Variants in EVC2 observed in about 807,000 individuals in gnomAD.
The protein encoded by EVC2 is limbin.
EVC2 carries 148 observed loss-of-function variants against 149.3 expected under a neutral mutation model. The observed-to-expected ratio is 0.99, with a 90% CI of 0.87 to 1.14. The LOEUF (loss-of-function observed/expected upper bound fraction) is 1.14, where lower values mean the gene tolerates loss of function less well. Ranked by LOEUF, EVC2 falls within the 50% of genes most tolerant of loss-of-function variation. The pLI is 0.00. For synonymous variants in EVC2, 776 were observed against 649.9 expected (o/e 1.19, Z -2.95); for missense variants, 1,854 against 1,627.3 (o/e 1.14, Z -2.40).
chr4:5,640,589 C>T lies in EVC2; in HGVS notation c.1395G>A (p.Lys465=), dbSNP rs1717252865. The change falls in exon 10 of 22, where the codon AAG becomes AAA. Residue 465 remains lysine (K), a synonymous_variant. Transcript: ENST00000344408. The surrounding 1 kb of genome is among the most constrained non-coding windows in gnomAD (Gnocchi z 4.6). ...TAECDLETRK[K]MENQYQREMM... ...TCTCTCTCTGGTACTGGTTTTCCAT[C>T]TTCTTTCTTGTTTCCAGGTCACATT... The T allele has an allele frequency of 1.2e-6, 2 of 1,614,020 alleles. No individual in the cohort carries two copies. Among genetic ancestry groups the T allele is most frequent in the Admixed American group, 1.7e-5 (1 of 59,994 alleles).
intron 16 of EVC2, among the ~76,000 whole-genome samples, chr4:5,596,964 G>C (rs1002422671): frequency 6.6e-6 from 1 of 152,160 alleles, no homozygotes; most frequent in African/African-American, 2.4e-5. Flanking sequence ...AGAAAATCTA[G>C]AAGAAATGGA....
In EVC2 at chr4:5,637,923, TG is replaced by T. The variant is rs1413671478; in HGVS notation, c.1470+2590del. On this transcript the variant is annotated intron_variant, in intron 10 of 21. Coordinates refer to ENST00000344408, the MANE Select transcript of EVC2 (RefSeq NM_147127.5). This position sits in a 1 kb window ranked among gnomAD's most constrained non-coding sequence, Gnocchi z 4.4. ...ACCTGAGGTCTCTGTTATGTATTCT[TG>T]TTTGTGTATTTGATTTTTAAAACTC... Among the ~76,000 whole-genome samples, 1 of 152,122 alleles carries T rather than the reference TG, an allele frequency of 6.6e-6. No homozygotes were observed. Among genetic ancestry groups the T allele is most frequent in the Non-Finnish European group, 1.5e-5 (1 of 68,020 alleles).
intron 6 of EVC2, among the ~76,000 whole-genome samples, chr4:5,681,896 C>T (rs1174044150): frequency 1.3e-5 from 2 of 152,146 alleles, no homozygotes; most frequent in African/African-American, 4.8e-5. Flanking sequence ...GGGGTAAAGG[C>T]AGAATAGCTT....
In EVC2 at chr4:5,696,248, C is replaced by T. The variant is rs904726174; in HGVS notation, c.283+1345G>A. ...ACCCTTAAGCGCTCCATCTCTGGTC[C>T]ACCCGTTTATGCCTCTCTGGCTCTC... On this transcript the variant is annotated intron_variant, in intron 2 of 21. Coordinates refer to ENST00000344408, the MANE Select transcript of EVC2 (RefSeq NM_147127.5). The surrounding 1 kb of genome is among the most constrained non-coding windows in gnomAD (Gnocchi z 4.1). Among the ~76,000 whole-genome samples, 1 of 152,200 alleles carries T rather than the reference C, an allele frequency of 6.6e-6. No homozygotes were observed. The highest frequency in any genetic ancestry group is 2.4e-5 in the African/African-American group (1 of 41,458).
intron 7 of EVC2, among the ~76,000 whole-genome samples, chr4:5,674,764 G>A (rs1421463086): frequency 6.6e-6 from 1 of 152,150 alleles, no homozygotes; most frequent in East Asian, 1.9e-4. Flanking sequence ...CTGAATGGAG[G>A]CCCCTCAAGA....
intron 1 of EVC2, among the ~76,000 whole-genome samples, chr4:5,701,130 T>C (rs1296385452): frequency 2.6e-5 from 4 of 152,152 alleles, no homozygotes; most frequent in Non-Finnish European, 4.4e-5. Flanking sequence ...CATGGCCCCT[T>C]CCTCCATTGT....
chr4:5,551,821 T>C (rs574449532), intron 21 of EVC2, among the ~76,000 whole-genome samples: 2 of 152,302 alleles, frequency 1.3e-5, no homozygotes, highest in Non-Finnish European at 1.5e-5. Flanking sequence ...CTTGTGATAG[T>C]GAATAAGTCT....
chr4:5,663,375 G>C, intron 8 of EVC2, 129 bp from the exon 9 acceptor site: 1 of 1,265,642 alleles, frequency 7.9e-7, no homozygotes, highest in South Asian at 1.2e-5. Flanking sequence ...TGTGACCACA[G>C]TAAACCCAGA....
At chr4:5,698,308 C>T (rs999698075) in intron 1 of EVC2, among the ~76,000 whole-genome samples, 3 of 152,080 alleles carry the variant, frequency 2.0e-5, no homozygotes, top group Non-Finnish European at 4.4e-5. Flanking sequence ...CTGCGAATTC[C>T]CAAGATCCTG....
At chr4:5,575,495 T>TCAC (rs1722871576) in intron 18 of EVC2, among the ~76,000 whole-genome samples, 1 of 152,188 alleles carries the variant, frequency 6.6e-6, no homozygotes, top group Non-Finnish European at 1.5e-5. Flanking sequence ...CAGAAGAGCG[T>TCAC]GATAGGATGA....
At position 5,679,772 on chromosome 4, in the gene EVC2, C is replaced by A. The variant is rs369103587; in HGVS notation, c.870+1488G>T. 3.9e-5 allele frequency among the ~76,000 whole-genome samples: 6 copies of A among 152,068 alleles called. No individual in the cohort carries two copies. The highest frequency in any genetic ancestry group is 3.2e-3 in the Middle Eastern group (1 of 316). On this transcript the variant is annotated intron_variant, in intron 7 of 21. Transcript: ENST00000344408. The surrounding 1 kb of genome is among the most constrained non-coding windows in gnomAD (Gnocchi z 5.1). ...CATGTAATTGCCCTTGCCCCCCATCCCCCGACAGGTCCCAGTGTGTGATGT... is the reference window on the plus strand; with the variant it reads ...CATGTAATTGCCCTTGCCCCCCATCACCCGACAGGTCCCAGTGTGTGATGT...
chr4:5,576,482 C>A lies in EVC2; in HGVS notation c.3058-28G>T. ...ACACAAGGAAGGGGCAGAGGGTAAG[C>A]ACCACTGCACAAGGCGGGTGGGGTG... is the stretch of plus-strand genomic sequence containing the variant. On this transcript the variant is annotated intron_variant, in intron 17 of 21. Coordinates refer to ENST00000344408, the MANE Select transcript of EVC2 (RefSeq NM_147127.5). The surrounding 1 kb of genome is among the most constrained non-coding windows in gnomAD (Gnocchi z 4.5). 6.4e-7 allele frequency: 1 copy of A among 1,558,922 alleles called. No homozygotes were observed. Among genetic ancestry groups the A allele is most frequent in the Non-Finnish European group, 8.7e-7 (1 of 1,155,018 alleles).
chr4:5,708,570 C>T, upstream of EVC2: 1 of 1,281,328 alleles, frequency 7.8e-7, no homozygotes, highest in Non-Finnish European at 1.0e-6. Context: ...GCTGGAGCTT[C>T]CGGACCCCAG....
intron 20 of EVC2, 52 bp from the exon 21 acceptor site, chr4:5,565,411 C>T (rs1722216164): frequency 1.9e-6 from 3 of 1,558,450 alleles, no homozygotes; most frequent in Non-Finnish European, 8.8e-7. Context: ...TGTAATCCCA[C>T]TGTAATCCCA....
chr4:5,634,006 G>A (rs1481817760), intron 10 of EVC2, among the ~76,000 whole-genome samples: 2 of 152,182 alleles, frequency 1.3e-5, no homozygotes, highest in South Asian at 2.1e-4. Context: ...CTTCTAAAGA[G>A]GTCCAAGGGC....
At chr4:5,584,426 C>T (rs1712082869) in intron 17 of EVC2, among the ~76,000 whole-genome samples, 197 bp downstream of exon 17, 1 of 152,166 alleles carries the variant, frequency 6.6e-6, no homozygotes. Flanking sequence ...GGTTGCTTCT[C>T]AGAGCAATGA....
chr4:5,693,552 G>A (rs533219142), intron 3 of EVC2, among the ~76,000 whole-genome samples: 1 of 152,352 alleles, frequency 6.6e-6, no homozygotes, highest in Admixed American at 6.5e-5. Flanking sequence ...AGCCTGCAGA[G>A]GGAGCGTGGC....
intron 16 of EVC2, among the ~76,000 whole-genome samples, chr4:5,594,315 G>A (rs1366478013): frequency 1.3e-5 from 2 of 152,190 alleles, no homozygotes; most frequent in Non-Finnish European, 2.9e-5. Context: ...TAACTGGGAG[G>A]CACCTCCCAG....
intron 16 of EVC2, among the ~76,000 whole-genome samples, chr4:5,604,880 C>G (rs1052102120): frequency 6.6e-6 from 1 of 151,216 alleles, no homozygotes; most frequent in African/African-American, 2.4e-5. Context: ...CGTTTCCTGC[C>G]TCCCCTTCCA....
Sources: allele counts gnomAD v4.1 joint callset (sites outside exome capture counted in the v4.1 genomes callset), GRCh38; gene constraint gnomAD v4.1.1; non-coding constraint Gnocchi (gnomAD v3.1); transcripts MANE v1.5; gene names NCBI Gene and HGNC (gene_info 2026-07-23, HGNC 2026-07-21).